Variants in CSGALNACT1 observed in about 807,000 individuals in gnomAD.
CSGALNACT1 encodes the protein chondroitin sulfate N-acetylgalactosaminyltransferase 1, also known as beta4GalNAcT-1.
A neutral mutation model predicts 51.0 loss-of-function variants in CSGALNACT1; 52 were observed. The observed-to-expected ratio is 1.02, with a 90% confidence interval of 0.82 to 1.29. The LOEUF (loss-of-function observed/expected upper bound fraction) is 1.29. CSGALNACT1 is among the 50% of genes most tolerant of loss of function. The pLI is 0.00. For missense variants in CSGALNACT1, 935 were observed against 679.2 expected (o/e 1.38, Z -4.19); for synonymous variants, 341 against 254.4 (o/e 1.34, Z -3.24).
chr8:19,617,994 C>G (rs1453493010), intron 1 of CSGALNACT1, among the ~76,000 whole-genome samples: 5 of 152,042 alleles, frequency 3.3e-5, no homozygotes, highest in Admixed American at 1.3e-4. Context: ...ATCCTCCCAC[C>G]TCAGCCCCCA....
intron 7 of CSGALNACT1, among the ~76,000 whole-genome samples, chr8:19,419,126 A>T (rs1287250862): frequency 6.6e-6 from 1 of 152,144 alleles, no homozygotes; most frequent in Non-Finnish European, 1.5e-5. Flanking sequence ...GATTACAGGC[A>T]TGAGCCACTG....
intron 3 of CSGALNACT1, among the ~76,000 whole-genome samples, chr8:19,579,159 G>C (rs373354413): frequency 6.6e-6 from 1 of 152,206 alleles, no homozygotes; most frequent in Non-Finnish European, 1.5e-5. Flanking sequence ...GGCTTCCCAT[G>C]TCACTTAGGA....
At chr8:19,423,136 C>T (rs376567686) in intron 6 of CSGALNACT1, among the ~76,000 whole-genome samples, 12 of 152,126 alleles carry the variant, frequency 7.9e-5, no homozygotes, top group African/African-American at 2.9e-4. Context: ...TACAAAAATA[C>T]CTGAACAACA....
chr8:19,666,488 A>G (rs998563110), intron 1 of CSGALNACT1, among the ~76,000 whole-genome samples: 3 of 151,898 alleles, frequency 2.0e-5, no homozygotes, highest in African/African-American at 7.3e-5. Flanking sequence ...TCAGGTCAGG[A>G]GTTCAGACCA....
chr8:19,591,434 A>G (rs1167611045), intron 2 of CSGALNACT1, among the ~76,000 whole-genome samples: 2 of 152,252 alleles, frequency 1.3e-5, no homozygotes, highest in Non-Finnish European at 2.9e-5. Flanking sequence ...TATACTGTAA[A>G]AAATCAGTGA....
chr8:19,467,752 A>C (rs1393073536), intron 4 of CSGALNACT1, among the ~76,000 whole-genome samples: 1 of 152,196 alleles, frequency 6.6e-6, no homozygotes, highest in Non-Finnish European at 1.5e-5. Context: ...TGGGAGGCCA[A>C]GGCAGGTGGA....
At chr8:19,699,156 G>A (rs1461919429) in intron 1 of CSGALNACT1, among the ~76,000 whole-genome samples, 1 of 152,160 alleles carries the variant, frequency 6.6e-6, no homozygotes, top group Admixed American at 6.5e-5. Flanking sequence ...ACAGGCATGA[G>A]CCACCGCGCC....
chr8:19,625,878 A>G (rs1204272786), intron 1 of CSGALNACT1, among the ~76,000 whole-genome samples: 5 of 152,196 alleles, frequency 3.3e-5, no homozygotes, highest in Non-Finnish European at 5.9e-5. Context: ...GTCCCCAAAA[A>G]AAGTCTACAT....
intron 1 of CSGALNACT1, among the ~76,000 whole-genome samples, chr8:19,651,330 G>A (rs989142823): frequency 6.6e-6 from 1 of 152,032 alleles, no homozygotes; most frequent in Non-Finnish European, 1.5e-5. Context: ...TAAACAGCCT[G>A]TTGCAGACAT....
At chr8:19,756,971 G>A (rs2065432501) in intron 1 of CSGALNACT1, among the ~76,000 whole-genome samples, 2 of 140,486 alleles carry the variant, frequency 1.4e-5, no homozygotes, top group South Asian at 4.5e-4. Context: ...CTGCCAAGCC[G>A]GTCCCCGGCC....
chr8:19,547,758 A>C (rs1403645711), intron 3 of CSGALNACT1, among the ~76,000 whole-genome samples: 2 of 152,268 alleles, frequency 1.3e-5, no homozygotes, highest in Non-Finnish European at 2.9e-5. Flanking sequence ...AATAGTTAAA[A>C]ACTTGGAAAA....
intron 1 of CSGALNACT1, among the ~76,000 whole-genome samples, chr8:19,645,930 C>T (rs564027075): frequency 6.6e-4 from 101 of 152,062 alleles, no homozygotes; most frequent in African/African-American, 2.3e-3. Flanking sequence ...AATGGGTAAA[C>T]GGTAAAAAGA....
At chr8:19,660,952 G>A (rs547060245) in intron 1 of CSGALNACT1, among the ~76,000 whole-genome samples, 95 of 152,188 alleles carry the variant, frequency 6.2e-4, no homozygotes, top group Non-Finnish European at 9.4e-4. Flanking sequence ...TTGCTCTGTC[G>A]CCCAGGCTGG....
chr8:19,406,375 G>A (rs2054179447), intron 9 of CSGALNACT1, among the ~76,000 whole-genome samples: 1 of 151,820 alleles, frequency 6.6e-6, no homozygotes, highest in South Asian at 2.1e-4. Context: ...CGTGGTTAAT[G>A]GGTACAAAAA....
intron 3 of CSGALNACT1, among the ~76,000 whole-genome samples, chr8:19,538,718 C>T (rs566631451): frequency 6.6e-6 from 1 of 152,168 alleles, no homozygotes; most frequent in South Asian, 2.1e-4. Flanking sequence ...CTGGAGATGG[C>T]TGGAAGATCA....
chr8:19,624,375 C>G (rs1291292850), intron 1 of CSGALNACT1, among the ~76,000 whole-genome samples: 2 of 152,184 alleles, frequency 1.3e-5, no homozygotes, highest in African/African-American at 2.4e-5. Flanking sequence ...TACTGAACTG[C>G]TTACATGTCT....
chr8:19,574,464 A>G (rs1279004718), intron 3 of CSGALNACT1, among the ~76,000 whole-genome samples: 1 of 152,220 alleles, frequency 6.6e-6, no homozygotes, highest in Admixed American at 6.5e-5. Flanking sequence ...CTCTTTCACA[A>G]GAGGCTCACC....
chr8:19,658,616 C>T (rs1000494451), intron 1 of CSGALNACT1, among the ~76,000 whole-genome samples: 8 of 152,094 alleles, frequency 5.3e-5, no homozygotes, highest in African/African-American at 1.7e-4. Flanking sequence ...CACCTGTAGT[C>T]CCAGCTACTT....
intron 5 of CSGALNACT1, among the ~76,000 whole-genome samples, chr8:19,445,680 A>C (rs1318443808): frequency 2.6e-5 from 4 of 152,210 alleles, no homozygotes; most frequent in African/African-American, 4.8e-5. Flanking sequence ...TGCAAAACTG[A>C]AACTATCTGT....
Sources: allele counts gnomAD v4.1 joint callset (sites outside exome capture counted in the v4.1 genomes callset), GRCh38; gene constraint gnomAD v4.1.1; transcripts MANE v1.5; gene names NCBI Gene and HGNC (gene_info 2026-07-23, HGNC 2026-07-21).